ADGRA1: variants seen among roughly 807,000 people sequenced by gnomAD.
ADGRA1 encodes adhesion G protein-coupled receptor A1.
In ADGRA1, 12 loss-of-function variants were observed where a neutral mutation model predicts 21.3. That is an observed-to-expected ratio of 0.56 (90% confidence interval 0.36 to 0.91). The LOEUF is 0.91. ADGRA1 is among the 40% of genes least tolerant of loss of function. ADGRA1 has a pLI of 0.01. For synonymous variants in ADGRA1, 385 were observed against 368.8 expected (o/e 1.04, Z -0.50); for missense variants, 790 against 805.6 (o/e 0.98, Z 0.23).
chr10:133,096,916 G>T (rs985553367), intron 2 of ADGRA1, 58 bp from the exon 3 acceptor site: 2 of 1,570,814 alleles, frequency 1.3e-6, no homozygotes, highest in African/African-American at 2.7e-5. Context: ...TCAGGCGACG[G>T]CGCCGCCCAC....
chr10:133,122,422 G>A (rs1852287640), intron 5 of ADGRA1, among the ~76,000 whole-genome samples: 1 of 152,236 alleles, frequency 6.6e-6, no homozygotes, highest in Admixed American at 6.5e-5. Flanking sequence ...AGAGCCGGCA[G>A]CACTCAGGCT....
At position 133,129,170 on chromosome 10, in the gene ADGRA1, C is replaced by A; in HGVS notation, c.1342C>A (p.Pro448Thr). 6.4e-7 allele frequency: 1 copy of A among 1,551,706 alleles called. No individual in the cohort carries two copies. The highest frequency in any genetic ancestry group is 8.7e-7 in the Non-Finnish European group (1 of 1,147,590). ...CATCCCATCCAGCCTGGATGGCAGCCCCCGCAGCTCGCGCACAGACAGCCC... is the reference window on the plus strand; with the variant it reads ...CATCCCATCCAGCCTGGATGGCAGCACCCGCAGCTCGCGCACAGACAGCCC... ...YHIPSSLDGS[P>T]RSSRTDSPPS... The change falls in exon 7 of 7, where the codon CCC (proline) becomes ACC (threonine). Residue 448 changes from proline (P) to threonine (T), a missense_variant. Physicochemically the swap from Pro to Thr is conservative, Grantham distance 38. Around this residue, in one of 3 missense-constraint regions of ADGRA1, gnomAD observed 391 missense variants for 351.5 expected, o/e 1.11. Transcript: ENST00000392607.
At position 133,129,625 on chromosome 10, in the gene ADGRA1, C is replaced by T. The variant is rs1377473688; in HGVS notation, c.*114C>T. On this transcript the variant is annotated 3_prime_UTR_variant, in exon 7 of 7. Coordinates refer to ENST00000392607, the MANE Select transcript of ADGRA1 (RefSeq NM_001083909.3). ...GTGACCCCGCCTTTCAGAAGCCGTT[C>T]ACACCCCTGCCCCTTCCTTGTGATC... 1.7e-6 allele frequency: 1 copy of T among 575,670 alleles called. No individual in the cohort carries two copies. Among genetic ancestry groups the T allele is most frequent in the Non-Finnish European group, 2.6e-6 (1 of 377,938 alleles). 35.7% of individuals were successfully genotyped at this position (575,670 alleles called of 1,614,324 possible).
At position 133,117,481 on chromosome 10, in the gene ADGRA1, G is replaced by C. The variant is rs371059498; in HGVS notation, c.402-9752G>C. Among the ~76,000 whole-genome samples the C allele has an allele frequency of 2.6e-5, 4 of 152,230 alleles. No homozygotes were observed. In the South Asian group the frequency reaches 8.3e-4, roughly 31 times the overall value. ...CTGGGAGGTCCGGTGCACTGTGGAC[G>C]TGGGCAGGGCAGAGCCCGGGAGACT... On this transcript the variant is annotated intron_variant, in intron 5 of 6. Transcript: ENST00000392607.
chr10:133,102,919 C>T, intron 5 of ADGRA1, 77 bp downstream of exon 5: 1 of 1,479,136 alleles, frequency 6.8e-7, no homozygotes, highest in Non-Finnish European at 9.2e-7. Flanking sequence ...TCTTGGCAAA[C>T]CTTCTCACCA....
chr10:133,098,630 C>G lies in ADGRA1; in HGVS notation c.132-10C>G. 6 of 1,605,326 alleles carry G rather than the reference C, an allele frequency of 3.7e-6. No individual in the cohort carries two copies. The highest frequency in any genetic ancestry group is 5.1e-6 in the Non-Finnish European group (6 of 1,178,660). On this transcript the variant is annotated splice_polypyrimidine_tract_variant and intron_variant, in intron 3 of 6. Coordinates refer to ENST00000392607, the MANE Select transcript of ADGRA1 (RefSeq NM_001083909.3). The stretch of plus-strand genomic sequence containing the variant: ...CTGCTCATGTGAAACCCTCCTTTCC[C>G]GTCCCACAGCGCCATCCGCATCAGC...
intron 5 of ADGRA1, among the ~76,000 whole-genome samples, chr10:133,111,849 G>A (rs113894739): frequency 0.06 from 2,502 of 41,916 alleles, 35 homozygotes; most frequent in Non-Finnish European, 0.089. Flanking sequence ...TGCCCACCAC[G>A]GGCACCTCCC....
chr10:133,102,228 G>C (rs1422636261), intron 4 of ADGRA1: 2 of 461,754 alleles, frequency 4.3e-6, no homozygotes, highest in South Asian at 1.5e-5. Context: ...CGACCTGCAG[G>C]GCCACACGAA....
rs1276619980 is a variant in ADGRA1, at chr10:133,106,105, C to T, written c.401+3263C>T. Among the ~76,000 whole-genome samples, 11 of 152,326 alleles carry T rather than the reference C, an allele frequency of 7.2e-5. No homozygotes were observed. In the East Asian group the frequency reaches 1.9e-3, roughly 27 times the overall value. ...CACTGCACAGCCAGGCCCTCAGAAC[C>T]GCCCTGGGTCTGTGGAGGGGCAGTG... On this transcript the variant is annotated intron_variant, in intron 5 of 6. Coordinates refer to ENST00000392607, the MANE Select transcript of ADGRA1 (RefSeq NM_001083909.3).
At chr10:133,114,047 G>A (rs557329830) in intron 5 of ADGRA1, among the ~76,000 whole-genome samples, 13 of 152,338 alleles carry the variant, frequency 8.5e-5, no homozygotes, top group South Asian at 6.2e-4. Flanking sequence ...GAGTACCTCC[G>A]TCTCCTGCCC....
chr10:133,104,030 C>A (rs9419005), intron 5 of ADGRA1, among the ~76,000 whole-genome samples: 4,248 of 152,326 alleles, frequency 0.028, 177 homozygotes, highest in African/African-American at 0.092. Context: ...GGAGACGTGA[C>A]CCGGTGCTGG....
intron 6 of ADGRA1, among the ~76,000 whole-genome samples, chr10:133,128,121 G>A (rs1472411724): frequency 3.4e-5 from 5 of 146,518 alleles, no homozygotes; most frequent in Non-Finnish European, 7.5e-5. Flanking sequence ...CACTTTCCTG[G>A]CTACCCCACC....
chr10:133,093,108 C>A (rs984344803), intron 2 of ADGRA1: 2 of 1,597,640 alleles, frequency 1.3e-6, no homozygotes, highest in African/African-American at 1.3e-5. Context: ...GCCCCGGACA[C>A]CTCACTGTGC....
rs1456380928 is a variant in ADGRA1, at chr10:133,130,806, C to G, written c.*1295C>G. The G allele has an allele frequency of 6.6e-6, 1 of 151,008 alleles. No homozygotes were observed. Among genetic ancestry groups the G allele is most frequent in the Non-Finnish European group, 1.5e-5 (1 of 67,732 alleles). 9.4% of individuals were successfully genotyped at this position (151,008 alleles called of 1,614,324 possible). ...CACACATGCACACAAACGTGCATATCACACACACGCACACACACCCAAACA... is the reference window on the plus strand; with the variant it reads ...CACACATGCACACAAACGTGCATATGACACACACGCACACACACCCAAACA... On this transcript the variant is annotated 3_prime_UTR_variant, in exon 7 of 7. Transcript: ENST00000392607.
intron 1 of ADGRA1, 54 bp downstream of exon 1, chr10:133,088,192 C>G: frequency 2.3e-6 from 2 of 862,084 alleles, no homozygotes; most frequent in Non-Finnish European, 2.8e-6. Context: ...GGCCGCGGCT[C>G]GGCAGAAAAG....
rs770988396 is a variant in ADGRA1 at position 133,128,965 on chromosome 10, G to C, written c.1137G>C (p.Pro379=). 1 of 1,556,354 alleles carries C rather than the reference G, an allele frequency of 6.4e-7. No individual in the cohort carries two copies. The highest frequency in any genetic ancestry group is 8.7e-7 in the Non-Finnish European group (1 of 1,152,522). The change falls in exon 7 of 7, where the codon CCG becomes CCC. Residue 379 remains proline (P), a synonymous_variant. Coordinates refer to ENST00000392607, the MANE Select transcript of ADGRA1 (RefSeq NM_001083909.3). The stretch of plus-strand genomic sequence containing the variant: ...AGGGCCACGCCAGTTGCCTGTCACC[G>C]GCCACCCCGTGCTGCGCCAAGATGC... ...AAQGHASCLS[P]ATPCCAKMHC... is the part of the protein sequence containing the mutation.
intron 5 of ADGRA1, among the ~76,000 whole-genome samples, chr10:133,118,859 A>G (rs1228484149): frequency 7.2e-6 from 1 of 139,414 alleles, no homozygotes; most frequent in African/African-American, 3.3e-5. Flanking sequence ...CAGTGTGCAC[A>G]CACACATCAC....
intron 5 of ADGRA1, among the ~76,000 whole-genome samples, chr10:133,110,009 G>C (rs1851958543): frequency 6.6e-6 from 1 of 152,182 alleles, no homozygotes; most frequent in African/African-American, 2.4e-5. Context: ...CACTCAGGGA[G>C]GGGCTGGAAG....
intron 2 of ADGRA1, among the ~76,000 whole-genome samples, chr10:133,090,626 C>T (rs1423467237): frequency 6.6e-6 from 1 of 152,136 alleles, no homozygotes; most frequent in Admixed American, 6.5e-5. Flanking sequence ...GCAGGCTCAC[C>T]CCATGGCCAT....
Sources: allele counts gnomAD v4.1 joint callset (sites outside exome capture counted in the v4.1 genomes callset), GRCh38; gene constraint gnomAD v4.1.1; regional missense constraint gnomAD v4.1.1; transcripts MANE v1.5; gene names NCBI Gene and HGNC (gene_info 2026-07-23, HGNC 2026-07-21).